ZNF251: variants seen among roughly 807,000 people sequenced by gnomAD.
ZNF251 encodes zinc finger protein 251.
A neutral mutation model predicts 13.5 loss-of-function variants in ZNF251; 14 were observed. That is an observed-to-expected ratio of 1.04 (90% CI 0.69 to 1.63). ZNF251 has a LOEUF of 1.63. Among genes scored for constraint, ZNF251 ranks in the 40% most tolerant of loss-of-function variants. The probability of loss-of-function intolerance (pLI) is 0.00; values close to 1 mark genes in which losing one functional copy is unlikely to be tolerated. For synonymous variants in ZNF251, 287 were observed against 295.2 expected, an observed-to-expected ratio of 0.97 and a Z score of 0.28; for missense variants, 764 against 834.9, an observed-to-expected ratio of 0.92 and a Z score of 1.05.
chr8:144,730,836 C>T (rs1324386372), intron 4 of ZNF251, among the ~76,000 whole-genome samples: 2 of 152,206 alleles, frequency 1.3e-5, no homozygotes, highest in Non-Finnish European at 2.9e-5. Flanking sequence ...CTCACCACTG[C>T]CCCTTCAAAG....
chr8:144,754,251 T>TG lies in ZNF251; in HGVS notation c.103dup (p.Gln35ProfsTer26). ...CACATCCCGGTAGAGCGCCCGCTGC[T>TG]GGGGGCCCAGCTGCCGCCCCTCCGC... On this transcript the variant is annotated frameshift_variant, in exon 3 of 5. Coordinates refer to ENST00000292562, the MANE Select transcript of ZNF251 (RefSeq NM_138367.2). LOFTEE classifies it high-confidence loss of function. The TG allele has an allele frequency of 6.2e-7, 1 of 1,613,916 alleles. No individual in the cohort carries two copies. Among genetic ancestry groups the TG allele is most frequent in the Middle Eastern group, 1.6e-4 (1 of 6,062 alleles).
At chr8:144,745,622 C>T (rs1378922603) in intron 4 of ZNF251, among the ~76,000 whole-genome samples, 1 of 152,070 alleles carries the variant, frequency 6.6e-6, no homozygotes, top group African/African-American at 2.4e-5. Context: ...TCATAACTTA[C>T]TGAAACCTCA....
chr8:144,735,648 G>A (rs1256860711), intron 4 of ZNF251, among the ~76,000 whole-genome samples: 1 of 152,118 alleles, frequency 6.6e-6, no homozygotes, highest in East Asian at 1.9e-4. Context: ...CGGAGCCTCC[G>A]TGCCGTGGAT....
chr8:144,730,240 G>C (rs1823654882), intron 4 of ZNF251: 1 of 439,544 alleles, frequency 2.3e-6, no homozygotes, highest in African/African-American at 2.1e-5. Flanking sequence ...GAGCAGCAAG[G>C]GTGGGCTCTG....
rs372123841 is a variant in ZNF251 at position 144,754,394 on chromosome 8, G to T, written c.34-73C>A. 16 of 1,486,426 alleles carry T rather than the reference G, an allele frequency of 1.1e-5. No homozygotes were observed. In the East Asian group the frequency reaches 1.7e-4, roughly 16 times the overall value. The allele number at this position is 1,486,426 out of a possible 1,614,324, so 92.1% of individuals were successfully genotyped here. ...GCCTGCACTAAAAGGGCCCTGACCT[G>T]GTGGGGCCCCACTACCCAGGGCCCT... On this transcript the variant is annotated intron_variant, in intron 2 of 4. Coordinates refer to ENST00000292562, the MANE Select transcript of ZNF251 (RefSeq NM_138367.2).
chr8:144,733,320 C>G (rs1483831084), intron 4 of ZNF251, among the ~76,000 whole-genome samples: 3 of 152,234 alleles, frequency 2.0e-5, no homozygotes, highest in Non-Finnish European at 4.4e-5. Context: ...GTGGGAGGAT[C>G]ACTTGAGGCC....
chr8:144,725,141 G>A (rs555619856), intron 4 of ZNF251, among the ~76,000 whole-genome samples: 7 of 152,226 alleles, frequency 4.6e-5, no homozygotes, highest in Admixed American at 4.6e-4. Context: ...AGCCTCCCGA[G>A]TAGCTGCGAC....
At position 144,755,484 on chromosome 8, in the gene ZNF251, C is replaced by T; in HGVS notation, c.-155G>A. 1.6e-6 allele frequency: 2 copies of T among 1,287,308 alleles called. No individual in the cohort carries two copies. Among genetic ancestry groups the T allele is most frequent in the Non-Finnish European group, 2.0e-6 (2 of 988,684 alleles). The allele number at this position is 1,287,308 out of a possible 1,614,324, so 79.7% of individuals were successfully genotyped here. Reference sequence around the variant, plus strand: ...GCACCGAGCCCGGAACGGACCCTCCCACAGAACCGGGTCCAGAGCCGGGGA... The same window carrying T: ...GCACCGAGCCCGGAACGGACCCTCCTACAGAACCGGGTCCAGAGCCGGGGA... On this transcript the variant is annotated 5_prime_UTR_variant, in exon 1 of 5. Transcript: ENST00000292562.
At position 144,721,688 on chromosome 8, in the gene ZNF251, A is replaced by G; in HGVS notation, c.1972T>C (p.Tyr658His). 1 of 1,353,476 alleles carries G rather than the reference A, an allele frequency of 7.4e-7. No individual in the cohort carries two copies. The highest frequency in any genetic ancestry group is 9.6e-7 in the Non-Finnish European group (1 of 1,043,470). 83.8% of individuals were successfully genotyped at this position (1,353,476 alleles called of 1,614,324 possible). Reference sequence around the variant, plus strand: ...AAAATCTTCTTGATATGAATAAAGTATCTTTTAGAGCCATCATTTAAAGCA... The same window carrying G: ...AAAATCTTCTTGATATGAATAAAGTGTCTTTTAGAGCCATCATTTAAAGCA... ...KPALNDGSKR[Y>H]FIHIKKIFQE... The change falls in exon 5 of 5, where the codon TAC (tyrosine) becomes CAC (histidine). Residue 658 changes from tyrosine to histidine, a missense_variant. Physicochemically the swap from Tyr to His is moderately conservative, Grantham distance 83. Coordinates refer to ENST00000292562, the MANE Select transcript of ZNF251 (RefSeq NM_138367.2).
Position 144,754,298 on chromosome 8 carries a change from A to G in ZNF251, c.57T>C (p.Asp19=). The G allele has an allele frequency of 6.2e-7, 1 of 1,612,042 alleles. No individual in the cohort carries two copies. The highest frequency in any genetic ancestry group is 8.5e-7 in the Non-Finnish European group (1 of 1,179,060). The change falls in exon 3 of 5, where the codon GAT becomes GAC. Residue 19 remains aspartate, a synonymous_variant. Transcript: ENST00000292562. Reference sequence around the variant, plus strand: ...CCGCCTGAGAGAAGTACACGGCCACATCCTGGAAGGTCAGCGGCATCTCCT... The same window carrying G: ...CCGCCTGAGAGAAGTACACGGCCACGTCCTGGAAGGTCAGCGGCATCTCCT... ...GHQEMPLTFQ[D]VAVYFSQAEG...
intron 4 of ZNF251, among the ~76,000 whole-genome samples, chr8:144,752,464 A>G (rs1054600574): frequency 3.3e-5 from 5 of 152,254 alleles, no homozygotes; most frequent in African/African-American, 1.2e-4. Context: ...AAGTCACAAG[A>G]AAAACTAGAT....
At chr8:144,736,763 A>T (rs1050663896) in intron 4 of ZNF251, among the ~76,000 whole-genome samples, 2 of 152,074 alleles carry the variant, frequency 1.3e-5, no homozygotes, top group South Asian at 4.1e-4. Context: ...AAGTGATGGG[A>T]TTACAGGCGT....
At chr8:144,754,661 G>A (rs1471427158) in intron 2 of ZNF251, 35 bp downstream of exon 2, 15 of 1,590,048 alleles carry the variant, frequency 9.4e-6, no homozygotes, top group African/African-American at 1.3e-5. Context: ...TGGGGATGAA[G>A]ATGAAGAGGT....
At chr8:144,732,629 G>T (rs375596733) in intron 4 of ZNF251, among the ~76,000 whole-genome samples, 1 of 151,396 alleles carries the variant, frequency 6.6e-6, no homozygotes, top group East Asian at 2.0e-4. Context: ...TGGCCAACAC[G>T]GTGAAACCCC....
chr8:144,747,005 T>C (rs558638550), intron 4 of ZNF251, among the ~76,000 whole-genome samples: 1 of 152,190 alleles, frequency 6.6e-6, no homozygotes, highest in Admixed American at 6.5e-5. Context: ...CTGCTTACTT[T>C]GTATTTAATT....
chr8:144,732,066 C>T (rs925649232), intron 4 of ZNF251, among the ~76,000 whole-genome samples: 1 of 151,848 alleles, frequency 6.6e-6, no homozygotes, highest in Non-Finnish European at 1.5e-5. Context: ...CCTCAGCCTC[C>T]GGAGTAGCTG....
At chr8:144,726,525 G>A (rs1457842491) in intron 4 of ZNF251, among the ~76,000 whole-genome samples, 1 of 151,728 alleles carries the variant, frequency 6.6e-6, no homozygotes, top group African/African-American at 2.4e-5. Context: ...GACAGAGTGA[G>A]ACTCTGTCTC....
At chr8:144,741,610 A>G (rs1824171598) in intron 4 of ZNF251, among the ~76,000 whole-genome samples, 1 of 152,250 alleles carries the variant, frequency 6.6e-6, no homozygotes, top group Non-Finnish European at 1.5e-5. Context: ...GTGAAGTAAA[A>G]CAAAACAGGA....
At chr8:144,744,947 T>C (rs1277426144) in intron 4 of ZNF251, among the ~76,000 whole-genome samples, 1 of 151,996 alleles carries the variant, frequency 6.6e-6, no homozygotes, top group South Asian at 2.1e-4. Context: ...TCCCAGCTAC[T>C]AGGGAGGCTG....
Sources: gnomAD v4.1 joint callset for allele counts (sites outside exome capture counted in the v4.1 genomes callset) on GRCh38, gnomAD v4.1.1 for gene constraint, MANE v1.5 for transcripts, NCBI Gene and HGNC (gene_info 2026-07-23, HGNC 2026-07-21) for gene names.